Variants in ABHD2 observed in about 807,000 individuals in gnomAD.
ABHD2 encodes abhydrolase domain containing 2, acylglycerol lipase.
Under a neutral mutation model 48.1 loss-of-function variants are expected in ABHD2, and 20 were observed. That is an observed-to-expected ratio of 0.42 (90% confidence interval 0.29 to 0.60). The LOEUF (loss-of-function observed/expected upper bound fraction) is 0.60, where lower values mean the gene tolerates loss of function less well. Among genes scored for constraint, ABHD2 ranks in the 20% least tolerant of loss-of-function variants. The pLI is 0.24. For missense variants in ABHD2, 405 were observed against 550.9 expected, an observed-to-expected ratio of 0.74 and a Z score of 2.65; for synonymous variants, 209 against 214.2, an observed-to-expected ratio of 0.98 and a Z score of 0.21.
chr15:89,186,492 C>T lies in ABHD2; in HGVS notation c.815+976C>T, dbSNP rs2051212570. Among the ~76,000 whole-genome samples the T allele has an allele frequency of 6.6e-6, 1 of 152,170 alleles. No homozygotes were observed. The highest frequency in any genetic ancestry group is 2.1e-4 in the South Asian group (1 of 4,828). ...GTGTCCCCTGGCCTCTGCCACACTA[C>T]TTACTGCCCTTGCTGAGAATACTCT... On this transcript the variant is annotated intron_variant, in intron 7 of 10. Coordinates refer to ENST00000352732, the MANE Select transcript of ABHD2 (RefSeq NM_152924.5). This position sits in a 1 kb window ranked among gnomAD's most constrained non-coding sequence, Gnocchi z 4.3.
chr15:89,073,840 C>A, the ABHD2 span, among the ~76,000 whole-genome samples: 28 of 152,128 alleles, frequency 1.8e-4, no homozygotes, highest in Non-Finnish European at 1.0e-4. Flanking sequence ...ACCTGGAGGG[C>A]TTATTAAACC....
the ABHD2 span, among the ~76,000 whole-genome samples, chr15:89,080,661 T>C: frequency 6.6e-6 from 1 of 151,436 alleles, no homozygotes; most frequent in Non-Finnish European, 1.5e-5. Flanking sequence ...GGCTGACAGC[T>C]TAACAAAGAG....
chr15:89,066,181 G>T, the ABHD2 span, among the ~76,000 whole-genome samples: 1 of 152,094 alleles, frequency 6.6e-6, no homozygotes, highest in African/African-American at 2.4e-5. Context: ...CCACAAACCT[G>T]GGGGCTTAAA....
chr15:89,158,590 T>C (rs1468242836), intron 5 of ABHD2, among the ~76,000 whole-genome samples: 1 of 152,212 alleles, frequency 6.6e-6, no homozygotes, highest in Non-Finnish European at 1.5e-5. Flanking sequence ...TTAAACTCAG[T>C]TCCAGATTCT....
At chr15:89,136,052 G>A (rs1263642566) in intron 3 of ABHD2, 4 of 206,568 alleles carry the variant, frequency 1.9e-5, no homozygotes, top group South Asian at 1.5e-4. Flanking sequence ...TCAGCCTCCC[G>A]AGTAGCTGGG....
rs186263072 is a variant in ABHD2, at chr15:89,166,036, A to T, written c.539-9776A>T. On this transcript the variant is annotated intron_variant, in intron 5 of 10. Transcript: ENST00000352732. The surrounding 1 kb of genome is among the most constrained non-coding windows in gnomAD (Gnocchi z 4.6). ...GTGCTTATTCTGGCCTCCATATCAT[A>T]CCTTCATATCTTGAAAGTTTTATCA... Among the ~76,000 whole-genome samples, 59 of 152,360 alleles carry T rather than the reference A, an allele frequency of 3.9e-4. No individual in the cohort carries two copies. Among genetic ancestry groups the T allele is most frequent in the African/African-American group, 1.3e-3 (53 of 41,580 alleles).
intron 1 of ABHD2, among the ~76,000 whole-genome samples, chr15:89,096,559 G>C (rs921867977): frequency 6.6e-6 from 1 of 152,210 alleles, no homozygotes; most frequent in Non-Finnish European, 1.5e-5. Flanking sequence ...GAGGTTTCCA[G>C]TCATGTTTGT....
intron 3 of ABHD2, among the ~76,000 whole-genome samples, chr15:89,149,214 A>AACACACACACACACACAC (rs35689320): frequency 6.7e-6 from 1 of 148,236 alleles, no homozygotes; most frequent in African/African-American, 2.5e-5. Context: ...ATTGATCCCT[A>AACACACACACACACACAC]ACACACACAC....
chr15:89,177,280 A>T lies in ABHD2; in HGVS notation c.722+1285A>T, dbSNP rs1299558844. ...GCTTAGAACAGTGCCCAGCACGCAG[A>T]ACGTAAGCCACTGTTCATTTTCATT... On this transcript the variant is annotated intron_variant, in intron 6 of 10. Transcript: ENST00000352732. This position sits in a 1 kb window ranked among gnomAD's most constrained non-coding sequence, Gnocchi z 5.6. 6.6e-6 allele frequency among the ~76,000 whole-genome samples: 1 copy of T among 152,194 alleles called. No individual in the cohort carries two copies. Among genetic ancestry groups the T allele is most frequent in the African/African-American group, 2.4e-5 (1 of 41,444 alleles).
At chr15:89,148,562 C>T (rs949056789) in intron 3 of ABHD2, among the ~76,000 whole-genome samples, 8 of 152,228 alleles carry the variant, frequency 5.3e-5, no homozygotes, top group Non-Finnish European at 1.2e-4. Context: ...ATGTAAAACG[C>T]ACATACCTCT....
chr15:89,140,415 G>C lies in ABHD2; in HGVS notation c.195-11262G>C, dbSNP rs191254556. Among the ~76,000 whole-genome samples the C allele has an allele frequency of 7.0e-3, 1,059 of 152,188 alleles. 40 individuals carry two copies. Among genetic ancestry groups the C allele is most frequent in the Admixed American group, 0.064 (979 of 15,292 alleles). ...GTGCTTGAAATTCCTTCTTGTACCT[G>C]ATGCTTTGGAATTTAGGCAGGTGAT... On this transcript the variant is annotated intron_variant, in intron 3 of 10. Transcript: ENST00000352732.
intron 6 of ABHD2, among the ~76,000 whole-genome samples, chr15:89,181,249 A>AT (rs914805617): frequency 2.0e-5 from 3 of 151,600 alleles, no homozygotes; most frequent in Admixed American, 6.6e-5. Context: ...AAAAAAAAAA[A>AT]ACAAGATGGT....
intron 3 of ABHD2, among the ~76,000 whole-genome samples, chr15:89,131,183 T>C (rs2050213274): frequency 6.6e-6 from 1 of 152,238 alleles, no homozygotes; most frequent in Non-Finnish European, 1.5e-5. Context: ...CCTCACTGTC[T>C]GTAGGGCGAG....
chr15:89,086,437 CA>C (rs1219054376), upstream of ABHD2, among the ~76,000 whole-genome samples: 1 of 152,134 alleles, frequency 6.6e-6, no homozygotes, highest in Non-Finnish European at 1.5e-5. Context: ...ATTTGTCAAA[CA>C]AGGTCTCACT....
chr15:89,187,700 G>A (rs1273172561), intron 7 of ABHD2, among the ~76,000 whole-genome samples: 1 of 152,172 alleles, frequency 6.6e-6, no homozygotes, highest in Non-Finnish European at 1.5e-5. Flanking sequence ...TAAGACACTA[G>A]AGAGCTGTTG....
chr15:89,094,932 T>C lies in ABHD2; in HGVS notation c.-107+6369T>C, dbSNP rs1457950474. On this transcript the variant is annotated intron_variant, in intron 1 of 10. Coordinates refer to ENST00000352732, the MANE Select transcript of ABHD2 (RefSeq NM_152924.5). This position sits in a 1 kb window ranked among gnomAD's most constrained non-coding sequence, Gnocchi z 4.7. ...ACAAAATATTAGCCGGGCATGGTGG[T>C]TCACACTCAGAATCCCAGCTACTCG... Among the ~76,000 whole-genome samples, 1 of 151,036 alleles carries C rather than the reference T, an allele frequency of 6.6e-6. No individual in the cohort carries two copies. Among genetic ancestry groups the C allele is most frequent in the Non-Finnish European group, 1.5e-5 (1 of 67,780 alleles).
rs2050500076 is a variant in ABHD2 at position 89,146,863 on chromosome 15, T to A, written c.195-4814T>A. Among the ~76,000 whole-genome samples, 2 of 152,222 alleles carry A rather than the reference T, an allele frequency of 1.3e-5. No homozygotes were observed. The highest frequency in any genetic ancestry group is 4.8e-5 in the African/African-American group (2 of 41,472). ...GTAAAGGTGTCAATTATCTCCTAGG[T>A]AATATATATTTGTCGTGTTTCCAAT... On this transcript the variant is annotated intron_variant, in intron 3 of 10. Coordinates refer to ENST00000352732, the MANE Select transcript of ABHD2 (RefSeq NM_152924.5). The surrounding 1 kb of genome is among the most constrained non-coding windows in gnomAD (Gnocchi z 4.2).
chr15:89,187,506 A>C (rs2051230125), intron 7 of ABHD2, among the ~76,000 whole-genome samples: 1 of 152,238 alleles, frequency 6.6e-6, no homozygotes, highest in South Asian at 2.1e-4. Flanking sequence ...CAACAAATTC[A>C]GTCCGCTTCC....
intron 3 of ABHD2, among the ~76,000 whole-genome samples, chr15:89,138,891 G>A (rs1303875171): frequency 2.0e-5 from 3 of 151,210 alleles, no homozygotes; most frequent in South Asian, 2.1e-4. Flanking sequence ...TTTTTAAAAC[G>A]GGGAAGACAC....
Sources: gnomAD v4.1 joint callset for allele counts (sites outside exome capture counted in the v4.1 genomes callset) on GRCh38, gnomAD v4.1.1 for gene constraint, Gnocchi (gnomAD v3.1) non-coding constraint, MANE v1.5 for transcripts, NCBI Gene and HGNC (gene_info 2026-07-23, HGNC 2026-07-21) for gene names.